FOXP2: variants seen among roughly 807,000 people sequenced by gnomAD.
The protein encoded by FOXP2 is forkhead box protein P2.
A neutral mutation model predicts 115.8 loss-of-function variants in FOXP2; 12 were observed. The ratio of observed to expected loss-of-function variants is 0.10; its 90% confidence interval spans 0.07 to 0.17. FOXP2 has a LOEUF of 0.17. Among genes scored for constraint, FOXP2 ranks in the 10% least tolerant of loss-of-function variants. The pLI, the probability that FOXP2 is intolerant of heterozygous loss-of-function variation, is 1.00. For synonymous variants in FOXP2, 328 were observed against 297.7 expected (o/e 1.10, Z -1.05); for missense variants, 629 against 843.5 (o/e 0.75, Z 3.15).
intron 2 of FOXP2, among the ~76,000 whole-genome samples, chr7:114,433,011 G>T (rs1794183392): frequency 6.6e-6 from 1 of 151,948 alleles, no homozygotes; most frequent in East Asian, 1.9e-4. Context: ...TAGAGAGTTT[G>T]CAAAATGTCA....
chr7:114,648,002 G>C (rs532929391), intron 8 of FOXP2, among the ~76,000 whole-genome samples: 3 of 152,002 alleles, frequency 2.0e-5, no homozygotes, highest in Non-Finnish European at 4.4e-5. Flanking sequence ...TAGTAGATGG[G>C]TGTAAATGAG....
intron 2 of FOXP2, among the ~76,000 whole-genome samples, chr7:114,345,740 A>C (rs1791331310): frequency 6.6e-6 from 1 of 151,704 alleles, no homozygotes; most frequent in Non-Finnish European, 1.5e-5. Context: ...ACCACAAACC[A>C]TCTGATTTTG....
chr7:114,495,414 T>G (rs1250793772), intron 2 of FOXP2, among the ~76,000 whole-genome samples: 1 of 151,856 alleles, frequency 6.6e-6, no homozygotes, highest in Admixed American at 6.6e-5. Flanking sequence ...ACCAAAAAAT[T>G]TTTCAGACTT....
chr7:114,427,031 T>A (rs1259872600), intron 2 of FOXP2, among the ~76,000 whole-genome samples: 1 of 151,664 alleles, frequency 6.6e-6, no homozygotes, highest in Non-Finnish European at 1.5e-5. Flanking sequence ...CCACATTACT[T>A]GATACTTGCT....
intron 3 of FOXP2, among the ~76,000 whole-genome samples, chr7:114,594,022 T>TA (rs1358943111): frequency 6.6e-6 from 1 of 152,116 alleles, no homozygotes; most frequent in African/African-American, 2.4e-5. Context: ...ACCTATTTTA[T>TA]AAAATAGATT....
At chr7:114,599,357 G>C (rs550399804) in intron 3 of FOXP2, among the ~76,000 whole-genome samples, 1 of 152,088 alleles carries the variant, frequency 6.6e-6, no homozygotes, top group Non-Finnish European at 1.5e-5. Flanking sequence ...TTATTACATT[G>C]ACTTATATTG....
intron 13 of FOXP2, among the ~76,000 whole-genome samples, chr7:114,660,124 C>A (rs1421450502): frequency 6.6e-6 from 1 of 152,122 alleles, no homozygotes; most frequent in Non-Finnish European, 1.5e-5. Flanking sequence ...GAGTGAGGGC[C>A]ATGGCTACTC....
chr7:114,241,381 C>T (rs1205434090), intron 1 of FOXP2, among the ~76,000 whole-genome samples: 1 of 151,942 alleles, frequency 6.6e-6, no homozygotes, highest in Non-Finnish European at 1.5e-5. Flanking sequence ...TTCAAGGAGC[C>T]AAAATCCAGG....
rs375581089 is a variant in FOXP2 at position 114,470,669 on chromosome 7, C to T, written c.168+43990C>T. ...TATTAAGATCAGTTCAGTTATGACA[C>T]TTTTCTTCCTTTGCTTTCCTATGGC... On this transcript the variant is annotated intron_variant, in intron 2 of 16. Coordinates refer to ENST00000350908, the MANE Select transcript of FOXP2 (RefSeq NM_014491.4). Among the ~76,000 whole-genome samples, 3 of 152,110 alleles carry T rather than the reference C, an allele frequency of 2.0e-5. No individual in the cohort carries two copies. The East Asian group carries it at 5.8e-4, about 29-fold the overall frequency.
At chr7:114,237,018 C>A (rs1458812234) in intron 1 of FOXP2, among the ~76,000 whole-genome samples, 1 of 151,992 alleles carries the variant, frequency 6.6e-6, no homozygotes, top group Non-Finnish European at 1.5e-5. Flanking sequence ...AAGTAAGTGT[C>A]CAACATTTTT....
At chr7:114,247,871 A>T (rs950413748) in intron 1 of FOXP2, among the ~76,000 whole-genome samples, 1 of 152,128 alleles carries the variant, frequency 6.6e-6, no homozygotes, top group Non-Finnish European at 1.5e-5. Context: ...CTCCAGAGAA[A>T]CAGAACCAAT....
chr7:114,400,988 A>T (rs1352586674), intron 2 of FOXP2, among the ~76,000 whole-genome samples: 1 of 152,102 alleles, frequency 6.6e-6, no homozygotes, highest in African/African-American at 2.4e-5. Flanking sequence ...AAATAGCAGG[A>T]GTAAGGGAGA....
chr7:114,429,421 C>G (rs1794009210), intron 2 of FOXP2, among the ~76,000 whole-genome samples: 1 of 151,426 alleles, frequency 6.6e-6, no homozygotes, highest in South Asian at 2.1e-4. Context: ...TTTCTCTCTC[C>G]TTCATTCCTT....
chr7:114,470,927 A>G (rs920346543), intron 2 of FOXP2, among the ~76,000 whole-genome samples: 1 of 152,214 alleles, frequency 6.6e-6, no homozygotes, highest in Non-Finnish European at 1.5e-5. Flanking sequence ...ATGCTGTTCT[A>G]TAACCCTGGG....
chr7:114,097,123 A>T (rs977824638), intron 1 of FOXP2, among the ~76,000 whole-genome samples: 1 of 152,208 alleles, frequency 6.6e-6, no homozygotes, highest in Non-Finnish European at 1.5e-5. Context: ...AAGCACTTTC[A>T]TCATTTTTTA....
rs377420314 is a variant in FOXP2 at position 114,663,491 on chromosome 7, A to G, written c.1811A>G (p.Tyr604Cys). 1.5e-5 allele frequency: 24 copies of G among 1,609,740 alleles called. No homozygotes were observed. The highest frequency in any genetic ancestry group is 2.0e-5 in the Non-Finnish European group (24 of 1,178,030). ...LVKNIPTSLG[Y>C]GAALNASLQA... ...AAAAATATACCTACCAGTTTAGGCT[A>G]TGGAGCAGCTCTTAATGCCAGTTTG... The change falls in exon 15 of 17, where the codon TAT (tyrosine) becomes TGT (cysteine). Residue 604 changes from tyrosine to cysteine, a missense_variant. Coordinates refer to ENST00000350908, the MANE Select transcript of FOXP2 (RefSeq NM_014491.4).
intron 1 of FOXP2, 126 bp from the exon 2 acceptor site, chr7:114,426,376 A>G (rs1276333297): frequency 1.2e-6 from 1 of 831,778 alleles, no homozygotes; most frequent in African/African-American, 1.7e-5. Flanking sequence ...GTAAATGACT[A>G]TTCAAGGCTT....
chr7:114,598,620 G>GT (rs1802850564), intron 3 of FOXP2, among the ~76,000 whole-genome samples: 1 of 151,752 alleles, frequency 6.6e-6, no homozygotes, highest in South Asian at 2.1e-4. Flanking sequence ...TTTAATTGTG[G>GT]TAAAATGCAT....
chr7:114,109,581 A>G (rs950240369), intron 1 of FOXP2, among the ~76,000 whole-genome samples: 2 of 152,122 alleles, frequency 1.3e-5, no homozygotes, highest in South Asian at 2.1e-4. Flanking sequence ...TAGGAAATCA[A>G]GAAGTGTTAG....
Sources: gnomAD v4.1 joint callset for allele counts (sites outside exome capture counted in the v4.1 genomes callset) on GRCh38, gnomAD v4.1.1 for gene constraint, MANE v1.5 for transcripts, NCBI Gene and HGNC (gene_info 2026-07-23, HGNC 2026-07-21) for gene names.